Variants in TLE1 observed in about 807,000 individuals in gnomAD.
TLE1 encodes the protein transducin-like enhancer protein 1.
Under a neutral mutation model 89.8 loss-of-function variants are expected in TLE1, and 21 were observed. The ratio of observed to expected loss-of-function variants is 0.23; its 90% confidence interval spans 0.17 to 0.34. The LOEUF (loss-of-function observed/expected upper bound fraction) is 0.34, where lower values mean the gene tolerates loss of function less well. Ranked by LOEUF, TLE1 falls within the 10% of genes least tolerant of loss-of-function variation. The pLI is 1.00. For missense variants in TLE1, 795 were observed against 1,031.2 expected, an observed-to-expected ratio of 0.77 and a Z score of 3.14; for synonymous variants, 447 against 407.6, an observed-to-expected ratio of 1.10 and a Z score of -1.16.
At chr9:81,646,286 C>T (rs930981951) in intron 6 of TLE1, among the ~76,000 whole-genome samples, 2 of 152,170 alleles carry the variant, frequency 1.3e-5, no homozygotes, top group African/African-American at 4.8e-5. Flanking sequence ...AACAAACAAA[C>T]AAATTTAACC....
intron 14 of TLE1, among the ~76,000 whole-genome samples, chr9:81,599,337 C>T (rs1830614529): frequency 1.3e-5 from 2 of 152,136 alleles, no homozygotes; most frequent in Non-Finnish European, 1.5e-5. Flanking sequence ...TCCACATCAG[C>T]ACTACCTGTG....
At chr9:81,598,593 T>C (rs1054500034) in intron 14 of TLE1, among the ~76,000 whole-genome samples, 1 of 152,110 alleles carries the variant, frequency 6.6e-6, no homozygotes, top group Non-Finnish European at 1.5e-5. Flanking sequence ...TGAGGAAAAG[T>C]TGCCCTGGTA....
intron 14 of TLE1, among the ~76,000 whole-genome samples, chr9:81,608,045 T>TG (rs1209741490): frequency 2.0e-5 from 3 of 152,202 alleles, no homozygotes; most frequent in Non-Finnish European, 4.4e-5. Context: ...CTCATGCTGG[T>TG]GGTTTATTTG....
chr9:81,619,893 T>C (rs1000582643), intron 9 of TLE1, among the ~76,000 whole-genome samples: 1 of 152,188 alleles, frequency 6.6e-6, no homozygotes, highest in Non-Finnish European at 1.5e-5. Context: ...ATTTTGACCA[T>C]GAACTTAGAT....
At chr9:81,587,653 C>G (rs1828713243) in intron 17 of TLE1, 28 bp downstream of exon 17, 2 of 1,593,522 alleles carry the variant, frequency 1.3e-6, no homozygotes, top group South Asian at 2.3e-5. Context: ...CTCCCAGACT[C>G]CAGGGCAGGC....
In TLE1 at chr9:81,598,680, G is replaced by A. The variant is rs746938523; in HGVS notation, c.1332-5406C>T. 1.1e-4 allele frequency among the ~76,000 whole-genome samples: 16 copies of A among 152,138 alleles called. 1 individual carries two copies. The highest frequency in any genetic ancestry group is 9.2e-4 in the Admixed American group (14 of 15,276). ...TGCCAGCCAACTTTTCCCAGGCAAC[G>A]TCTAGCAATTATACCAAATGTCACT... On this transcript the variant is annotated intron_variant, in intron 14 of 19. Coordinates refer to ENST00000376499, the MANE Select transcript of TLE1 (RefSeq NM_005077.5).
intron 14 of TLE1, among the ~76,000 whole-genome samples, chr9:81,601,601 GAA>G (rs199834935): frequency 3.4e-5 from 4 of 116,102 alleles, no homozygotes; most frequent in African/African-American, 6.4e-5. Context: ...TACAGTGCCA[GAA>G]AAAAAAAAAA....
intron 4 of TLE1, among the ~76,000 whole-genome samples, chr9:81,665,323 T>C (rs1831322878): frequency 2.6e-5 from 4 of 152,136 alleles, no homozygotes. Flanking sequence ...AGAAACCCTT[T>C]AGTGGCTCAA....
At chr9:81,679,085 C>CTCCT (rs1833268884) in intron 4 of TLE1, among the ~76,000 whole-genome samples, 1 of 152,096 alleles carries the variant, frequency 6.6e-6, no homozygotes, top group African/African-American at 2.4e-5. Context: ...GAGGCGGAGG[C>CTCCT]TGCAGTGAAC....
intron 4 of TLE1, among the ~76,000 whole-genome samples, chr9:81,658,743 T>C (rs1054973632): frequency 6.6e-6 from 1 of 152,164 alleles, no homozygotes; most frequent in African/African-American, 2.4e-5. Flanking sequence ...GAGGACTTCA[T>C]GAACATCTTC....
At chr9:81,662,905 TG>T (rs1344261733) in intron 4 of TLE1, among the ~76,000 whole-genome samples, 1 of 151,922 alleles carries the variant, frequency 6.6e-6, no homozygotes, top group African/African-American at 2.4e-5. Context: ...TGGAGTGCAG[TG>T]GCATGATCTC....
At chr9:81,599,566 G>A (rs1830651892) in intron 14 of TLE1, among the ~76,000 whole-genome samples, 2 of 152,148 alleles carry the variant, frequency 1.3e-5, no homozygotes, top group African/African-American at 2.4e-5. Context: ...GAGGAATAGT[G>A]ACATGGGGCT....
At chr9:81,641,998 G>A (rs746909078) in intron 6 of TLE1, among the ~76,000 whole-genome samples, 15 of 151,930 alleles carry the variant, frequency 9.9e-5, no homozygotes, top group Non-Finnish European at 2.1e-4. Flanking sequence ...CTCCAGCCTG[G>A]GCAACAAGAG....
intron 4 of TLE1, among the ~76,000 whole-genome samples, chr9:81,664,707 A>AAC (rs2132828632): frequency 7.1e-6 from 1 of 141,380 alleles, no homozygotes; most frequent in African/African-American, 2.5e-5. Flanking sequence ...TCTTTTAATT[A>AAC]AGAAAAAAAA....
intron 14 of TLE1, among the ~76,000 whole-genome samples, chr9:81,596,339 C>T (rs747251947): frequency 6.6e-6 from 1 of 152,114 alleles, no homozygotes; most frequent in Non-Finnish European, 1.5e-5. Context: ...CAGGGGGCCT[C>T]GCAGGAAGCT....
chr9:81,685,779 A>C (rs2244337), intron 3 of TLE1, 54 bp downstream of exon 3: 489,150 of 1,611,628 alleles, frequency 0.3, 77,375 homozygotes, highest in Non-Finnish European at 0.33. Context: ...CACTCTGCTA[A>C]CACGTTTGCT....
intron 6 of TLE1, among the ~76,000 whole-genome samples, chr9:81,650,977 A>G (rs2132609110): frequency 6.6e-6 from 1 of 152,312 alleles, no homozygotes; most frequent in Non-Finnish European, 1.5e-5. Context: ...AGAGTTTTCA[A>G]GCTGAGGCTC....
intron 8 of TLE1, chr9:81,620,961 A>T (rs958161653): frequency 2.0e-6 from 1 of 503,684 alleles, no homozygotes; most frequent in African/African-American, 1.9e-5. Flanking sequence ...TAACTGTAAG[A>T]GTCAATGTGT....
intron 13 of TLE1, among the ~76,000 whole-genome samples, 174 bp downstream of exon 13, chr9:81,611,595 G>A (rs950595887): frequency 5.3e-5 from 8 of 152,258 alleles, no homozygotes; most frequent in Admixed American, 2.6e-4. Flanking sequence ...GATGAAAGCT[G>A]ACAAGAGGAA....
Sources: gnomAD v4.1 joint callset for allele counts (sites outside exome capture counted in the v4.1 genomes callset) on GRCh38, gnomAD v4.1.1 for gene constraint, MANE v1.5 for transcripts, NCBI Gene and HGNC (gene_info 2026-07-23, HGNC 2026-07-21) for gene names.